Variants in DCUN1D1 observed in about 807,000 individuals in gnomAD.
DCUN1D1 encodes the protein defective in cullin neddylation 1 domain containing 1.
A neutral mutation model predicts 39.0 loss-of-function variants in DCUN1D1; 3 were observed. That is an observed-to-expected ratio of 0.08 (90% CI 0.04 to 0.20). The LOEUF is 0.20. Among genes scored for constraint, DCUN1D1 ranks in the 10% least tolerant of loss-of-function variants. The probability of loss-of-function intolerance (pLI) is 1.00; values close to 1 mark genes in which losing one functional copy is unlikely to be tolerated. For synonymous variants in DCUN1D1, 82 were observed against 96.3 expected (o/e 0.85, Z 0.87); for missense variants, 158 against 302.4 (o/e 0.52, Z 3.54).
At chr3:182,980,191 G>A (rs1004152477) in intron 1 of DCUN1D1, 24 of 480,398 alleles carry the variant, frequency 5.0e-5, no homozygotes, top group Non-Finnish European at 6.3e-5. Flanking sequence ...CCCGCGCCGG[G>A]CCCCGGCAAG....
At chr3:182,955,805 T>G in intron 4 of DCUN1D1, 1 of 251,782 alleles carries the variant, frequency 4.0e-6, no homozygotes, top group South Asian at 4.2e-5. Flanking sequence ...GGTCTCCAAC[T>G]CCTGACCTCA....
chr3:182,963,835 G>T (rs1349313921), intron 3 of DCUN1D1, 46 bp downstream of exon 3: 6 of 1,453,154 alleles, frequency 4.1e-6, no homozygotes, highest in Admixed American at 1.9e-5. Flanking sequence ...ACATAATTCA[G>T]TTCCACAGTA....
intron 1 of DCUN1D1, among the ~76,000 whole-genome samples, chr3:182,967,942 C>A (rs1727752637): frequency 6.6e-6 from 1 of 152,198 alleles, no homozygotes; most frequent in Admixed American, 6.5e-5. Flanking sequence ...ATGTTTTAAT[C>A]CTCCTCTGAG....
chr3:182,972,361 G>A (rs1043850826), intron 1 of DCUN1D1, among the ~76,000 whole-genome samples: 1 of 152,026 alleles, frequency 6.6e-6, no homozygotes, highest in Non-Finnish European at 1.5e-5. Context: ...TAAGCAAAAC[G>A]AACAAAACCC....
At chr3:182,957,906 C>A (rs1290353584) in intron 4 of DCUN1D1, among the ~76,000 whole-genome samples, 1 of 131,478 alleles carries the variant, frequency 7.6e-6, no homozygotes, top group African/African-American at 2.7e-5. Flanking sequence ...CCACTGCATT[C>A]CAGCCTGGGC....
At chr3:182,948,392 A>C (rs765237032) in intron 4 of DCUN1D1, among the ~76,000 whole-genome samples, 3 of 152,168 alleles carry the variant, frequency 2.0e-5, no homozygotes, top group African/African-American at 4.8e-5. Flanking sequence ...ATAATGCCGC[A>C]TAAGAAAGAG....
upstream of DCUN1D1, among the ~76,000 whole-genome samples, chr3:182,983,530 A>C (rs1728626581): frequency 6.6e-6 from 1 of 152,216 alleles, no homozygotes; most frequent in Non-Finnish European, 1.5e-5. Flanking sequence ...AGCCTGGCCA[A>C]CATGGCGAAA....
At chr3:182,979,866 ACT>A (rs1442848738) in intron 1 of DCUN1D1, among the ~76,000 whole-genome samples, 1 of 151,760 alleles carries the variant, frequency 6.6e-6, no homozygotes, top group Non-Finnish European at 1.5e-5. Flanking sequence ...GGCCGGGGAA[ACT>A]CTCCTTCTCC....
At position 182,941,756 on chromosome 3, in the gene DCUN1D1, TCA is replaced by T. The variant is rs1425312840; in HGVS notation, c.*3336_*3337del. On this transcript the variant is annotated 3_prime_UTR_variant, in exon 7 of 7. Transcript: ENST00000292782. ...AAATTAATTCTTGCTAAAAGTTGAT[TCA>T]GTTTTACAAAGGCATACTTTGTGAA... The T allele has an allele frequency of 1.3e-5, 2 of 152,128 alleles. No individual in the cohort carries two copies. The highest frequency in any genetic ancestry group is 4.8e-5 in the African/African-American group (2 of 41,458). The allele number at this position is 152,128 out of a possible 1,614,324, so 9.4% of individuals were successfully genotyped here. A position where few individuals can be genotyped will look rare whatever the true frequency, so the allele number is the denominator to read the frequency against.
rs1726465837 is a variant in DCUN1D1, at chr3:182,947,337, A to G, written c.604-3T>C. On this transcript the variant is annotated splice_polypyrimidine_tract_variant and splice_region_variant and intron_variant, in intron 5 of 6. Transcript: ENST00000292782. ...GGTATTGATCGTTTATGATGTTCCTATTTAAAAAACAAAAACAAAATACAT... is the reference window on the plus strand; with the variant it reads ...GGTATTGATCGTTTATGATGTTCCTGTTTAAAAAACAAAAACAAAATACAT... 1 of 1,581,798 alleles carries G rather than the reference A, an allele frequency of 6.3e-7. No individual in the cohort carries two copies. Among genetic ancestry groups the G allele is most frequent in the East Asian group, 2.2e-5 (1 of 44,550 alleles).
chr3:182,965,748 C>T lies in DCUN1D1; in HGVS notation c.9G>A (p.Lys3=). 6.2e-7 allele frequency: 1 copy of T among 1,610,190 alleles called. No individual in the cohort carries two copies. The change falls in exon 2 of 7, where the codon AAG becomes AAA. Residue 3 remains lysine (K), a synonymous_variant. Transcript: ENST00000292782. ...CTTTATCCTTCTGCGATGATTTCAACTTGTTCTATTGAAACCAGAAAATAA... is the reference window on the plus strand; with the variant it reads ...CTTTATCCTTCTGCGATGATTTCAATTTGTTCTATTGAAACCAGAAAATAA... MN[K]LKSSQKDKVR...
chr3:182,956,057 T>G (rs1373009479), intron 4 of DCUN1D1: 1 of 154,840 alleles, frequency 6.5e-6, no homozygotes, highest in Non-Finnish European at 1.4e-5. Flanking sequence ...GCCCCCCGGG[T>G]AGCTGGGATT....
At chr3:182,948,178 T>C (rs549336019) in intron 4 of DCUN1D1, among the ~76,000 whole-genome samples, 1 of 152,126 alleles carries the variant, frequency 6.6e-6, no homozygotes, top group African/African-American at 2.4e-5. Context: ...CACCTACAGG[T>C]TGGAAGGTGA....
chr3:182,982,916 T>A (rs1728606882), upstream of DCUN1D1, among the ~76,000 whole-genome samples: 1 of 152,184 alleles, frequency 6.6e-6, no homozygotes, highest in African/African-American at 2.4e-5. Flanking sequence ...AGTACTGGGA[T>A]CACAGGCGTG....
At chr3:182,975,904 G>A (rs1250234965) in intron 1 of DCUN1D1, among the ~76,000 whole-genome samples, 1 of 151,202 alleles carries the variant, frequency 6.6e-6, no homozygotes, top group Non-Finnish European at 1.5e-5. Context: ...TCAGAAGTGG[G>A]AGTGGAGATT....
intron 4 of DCUN1D1, among the ~76,000 whole-genome samples, chr3:182,958,927 T>C (rs1727234638): frequency 6.6e-6 from 1 of 152,228 alleles, no homozygotes; most frequent in Non-Finnish European, 1.5e-5. Context: ...AGGGTAGCGA[T>C]ATAACTAAGA....
chr3:182,946,556 C>CAAAAA (rs71185614), intron 6 of DCUN1D1, among the ~76,000 whole-genome samples: 2 of 61,550 alleles, frequency 3.2e-5, no homozygotes, highest in African/African-American at 7.6e-5. Context: ...GACTCCATCT[C>CAAAAA]AAAAAAAAAA....
At chr3:182,976,373 C>A (rs570351742) in intron 1 of DCUN1D1, among the ~76,000 whole-genome samples, 1 of 151,822 alleles carries the variant, frequency 6.6e-6, no homozygotes, top group African/African-American at 2.4e-5. Flanking sequence ...CATGCCTACC[C>A]CCACTCCTTG....
chr3:182,970,419 A>C (rs1727875232), intron 1 of DCUN1D1, among the ~76,000 whole-genome samples: 1 of 152,238 alleles, frequency 6.6e-6, no homozygotes. Context: ...ACTAAGTCCT[A>C]ACAATTGCAA....
Sources: allele counts gnomAD v4.1 joint callset (sites outside exome capture counted in the v4.1 genomes callset), GRCh38; gene constraint gnomAD v4.1.1; transcripts MANE v1.5; gene names NCBI Gene and HGNC (gene_info 2026-07-23, HGNC 2026-07-21).